The following FRMD4A variants were observed in gnomAD, a reference collection of about 807,000 sequenced individuals.
The protein encoded by FRMD4A is FERM domain containing 4A.
A neutral mutation model predicts 129.1 loss-of-function variants in FRMD4A; 29 were observed. The ratio of observed to expected loss-of-function variants is 0.22; its 90% CI spans 0.17 to 0.31. FRMD4A has a LOEUF of 0.31. Among genes scored for constraint, FRMD4A ranks in the 10% least tolerant of loss-of-function variants. The pLI is 1.00. For synonymous variants in FRMD4A, 634 were observed against 571.6 expected (o/e 1.11, Z -1.56); for missense variants, 1,272 against 1,375.8 (o/e 0.92, Z 1.19).
At chr10:14,053,058 A>G (rs545006743) in intron 2 of FRMD4A, among the ~76,000 whole-genome samples, 1 of 152,258 alleles carries the variant, frequency 6.6e-6, no homozygotes, top group African/African-American at 2.4e-5. Context: ...TCCAAACCAC[A>G]TCCATACCTT....
intron 2 of FRMD4A, among the ~76,000 whole-genome samples, chr10:14,310,507 C>A (rs1293090218): frequency 6.6e-6 from 1 of 152,186 alleles, no homozygotes; most frequent in East Asian, 1.9e-4. Context: ...TGAATGCTGG[C>A]CGCTGTGCCA....
At chr10:13,934,080 G>C (rs1027101021) in intron 2 of FRMD4A, among the ~76,000 whole-genome samples, 4 of 152,180 alleles carry the variant, frequency 2.6e-5, no homozygotes, top group African/African-American at 9.7e-5. Flanking sequence ...TACAGGATTT[G>C]GCAAGCACCC....
At chr10:14,164,608 C>G (rs962172935) in intron 2 of FRMD4A, among the ~76,000 whole-genome samples, 3 of 152,140 alleles carry the variant, frequency 2.0e-5, no homozygotes, top group Non-Finnish European at 2.9e-5. Context: ...ACGTTGGGAA[C>G]AGGGAGCACG....
chr10:13,677,112 C>T (rs2084073650), intron 15 of FRMD4A, among the ~76,000 whole-genome samples: 1 of 152,160 alleles, frequency 6.6e-6, no homozygotes, highest in South Asian at 2.1e-4. Flanking sequence ...TTTAACGTCT[C>T]TGAGCAGAAA....
At chr10:13,664,336 G>C (rs1235767870) in intron 18 of FRMD4A, among the ~76,000 whole-genome samples, 1 of 152,172 alleles carries the variant, frequency 6.6e-6, no homozygotes, top group African/African-American at 2.4e-5. Flanking sequence ...TGCCTTGGAG[G>C]GGGCAGAGGG....
intron 2 of FRMD4A, among the ~76,000 whole-genome samples, chr10:13,867,682 A>C (rs1209749440): frequency 4.9e-5 from 6 of 121,444 alleles, no homozygotes; most frequent in African/African-American, 1.3e-4. Flanking sequence ...ATATATAATA[A>C]ATATATATAA....
At chr10:14,046,704 A>G (rs1834004127) in intron 2 of FRMD4A, among the ~76,000 whole-genome samples, 1 of 152,134 alleles carries the variant, frequency 6.6e-6, no homozygotes, top group Non-Finnish European at 1.5e-5. Context: ...CCCTGACGTG[A>G]TGGTGCTCAC....
Position 13,656,977 on chromosome 10 carries a change from T to C in FRMD4A, c.2612A>G (p.Asn871Ser), listed in dbSNP as rs780371595. 1.9e-6 allele frequency: 3 copies of C among 1,546,824 alleles called. No homozygotes were observed. Among genetic ancestry groups the C allele is most frequent in the Admixed American group, 1.8e-5 (1 of 54,550 alleles). Residue 871 changes from asparagine to serine, a missense_variant, in exon 22 of 25, where the codon AAC becomes AGC. Coordinates refer to ENST00000357447, the MANE Select transcript of FRMD4A (RefSeq NM_018027.5). The part of the protein sequence containing the change: ...YSVKAQFKTS[N>S]SYTAGGLFKE... ...GAACAGGCCGCCCGCCGTGTAGGAG[T>C]TGGACGTCTTGAACTGAGCCTTGAC...
rs117033260 is a variant in FRMD4A, at chr10:14,132,866, C to T, written c.45+197192G>A. Among the ~76,000 whole-genome samples, 522 of 152,274 alleles carry T rather than the reference C, an allele frequency of 3.4e-3. 8 individuals are homozygous for T. The East Asian group carries it at 0.041, about 12-fold the overall frequency. ...ATCCTGCCTTAAGCATGGTATGCCC[C>T]AGGGTGATCTACTCAATGGGAGTGT... On this transcript the variant is annotated intron_variant, in intron 2 of 24. Coordinates refer to ENST00000357447, the MANE Select transcript of FRMD4A (RefSeq NM_018027.5).
intron 2 of FRMD4A, among the ~76,000 whole-genome samples, chr10:13,993,633 A>C (rs11258786): frequency 0.29 from 43,572 of 152,046 alleles, 7,446 homozygotes; most frequent in East Asian, 0.73. Context: ...AAACAAAAAA[A>C]TGTTGCTGAT....
chr10:14,042,302 C>T (rs896058587), intron 2 of FRMD4A, among the ~76,000 whole-genome samples: 2 of 152,198 alleles, frequency 1.3e-5, no homozygotes, highest in African/African-American at 4.8e-5. Context: ...CTTCCTCCTT[C>T]CTTTGTTCTC....
chr10:14,313,082 G>A (rs906191472), intron 2 of FRMD4A, among the ~76,000 whole-genome samples: 42 of 151,966 alleles, frequency 2.8e-4, no homozygotes, highest in African/African-American at 9.9e-4. Context: ...TCCAGGAGTG[G>A]TGGCTCACAC....
intron 2 of FRMD4A, among the ~76,000 whole-genome samples, chr10:13,949,371 C>G (rs1444357809): frequency 6.7e-6 from 1 of 149,580 alleles, no homozygotes; most frequent in Non-Finnish European, 1.5e-5. Context: ...CTTGCATTTT[C>G]TAAAAGTTAA....
intron 2 of FRMD4A, among the ~76,000 whole-genome samples, chr10:14,247,505 C>A (rs189643739): frequency 2.7e-4 from 41 of 152,326 alleles, no homozygotes; most frequent in African/African-American, 9.9e-4. Flanking sequence ...CTCTCTCTCT[C>A]TCTCACTCTC....
chr10:14,090,225 C>T (rs909353602), intron 2 of FRMD4A, among the ~76,000 whole-genome samples: 7 of 152,120 alleles, frequency 4.6e-5, no homozygotes, highest in Admixed American at 6.5e-5. Context: ...GCAGGCCGAC[C>T]GCTGCACGGG....
chr10:13,962,093 T>C (rs185349438), intron 2 of FRMD4A, among the ~76,000 whole-genome samples: 1 of 152,212 alleles, frequency 6.6e-6, no homozygotes, highest in African/African-American at 2.4e-5. Flanking sequence ...ATTTAATTAA[T>C]GGAGAAGCGG....
intron 2 of FRMD4A, among the ~76,000 whole-genome samples, chr10:14,107,872 G>C (rs538402188): frequency 6.6e-6 from 1 of 152,128 alleles, no homozygotes; most frequent in Admixed American, 6.5e-5. Context: ...GGTTATTCCA[G>C]GTTGCTTTTC....
intron 3 of FRMD4A, among the ~76,000 whole-genome samples, chr10:13,842,785 C>T (rs3858172): frequency 0.81 from 123,870 of 152,086 alleles, 50,615 homozygotes; most frequent in East Asian, 0.96. Flanking sequence ...GCTATGATCA[C>T]GCCACTGCAC....
At chr10:13,650,772 A>AC (rs1424564108) in intron 24 of FRMD4A, among the ~76,000 whole-genome samples, 1 of 151,828 alleles carries the variant, frequency 6.6e-6, no homozygotes, top group Non-Finnish European at 1.5e-5. Context: ...ACTGTTAACC[A>AC]CCCCTCACCC....
Sources: gnomAD v4.1 joint callset for allele counts (sites outside exome capture counted in the v4.1 genomes callset) on GRCh38, gnomAD v4.1.1 for gene constraint, MANE v1.5 for transcripts, NCBI Gene and HGNC (gene_info 2026-07-23, HGNC 2026-07-21) for gene names.